The following ARHGEF33 variants were observed in gnomAD, a reference collection of about 807,000 sequenced individuals.
ARHGEF33 encodes the protein Rho guanine nucleotide exchange factor 33, also known as DH and coiled-coil domain-containing protein ENSP00000381780.
ARHGEF33 carries 72 observed loss-of-function variants against 101.9 expected under a neutral mutation model. That is an observed-to-expected ratio of 0.71 (90% CI 0.58 to 0.86). The LOEUF is 0.86. Among genes scored for constraint, ARHGEF33 ranks in the 40% least tolerant of loss-of-function variants. The pLI is 0.00. For synonymous variants in ARHGEF33, 499 were observed against 442.5 expected (o/e 1.13, Z -1.60); for missense variants, 1,169 against 1,111.3 (o/e 1.05, Z -0.74).
chr2:38,911,730 G>T (rs183786606), intron 2 of ARHGEF33, among the ~76,000 whole-genome samples: 3 of 152,062 alleles, frequency 2.0e-5, no homozygotes, highest in Non-Finnish European at 2.9e-5. Flanking sequence ...ATCCTTCCCC[G>T]CCAGGCACTG....
At chr2:38,918,256 C>T (rs946133779) in intron 2 of ARHGEF33, among the ~76,000 whole-genome samples, 4 of 152,216 alleles carry the variant, frequency 2.6e-5, no homozygotes, top group Non-Finnish European at 5.9e-5. Flanking sequence ...CCACCACTAC[C>T]CTCGCTGCCA....
At chr2:38,936,538 T>C (rs893668305) in intron 8 of ARHGEF33, among the ~76,000 whole-genome samples, 2 of 152,240 alleles carry the variant, frequency 1.3e-5, no homozygotes, top group Non-Finnish European at 2.9e-5. Flanking sequence ...GCTCCTTATA[T>C]AGTAAAGACT....
chr2:38,939,840 C>T (rs145852930), intron 9 of ARHGEF33, among the ~76,000 whole-genome samples: 17 of 152,300 alleles, frequency 1.1e-4, no homozygotes, highest in African/African-American at 4.1e-4. Flanking sequence ...CTTAAAATAG[C>T]TCGTGACTTT....
At chr2:38,955,548 G>T (rs1440176993) in intron 13 of ARHGEF33, among the ~76,000 whole-genome samples, 2 of 140,738 alleles carry the variant, frequency 1.4e-5, no homozygotes, top group Non-Finnish European at 3.0e-5. Flanking sequence ...GAGTGCAGTG[G>T]TGTGATCTTG....
chr2:38,963,984 A>C (rs1316460284), intron 16 of ARHGEF33, among the ~76,000 whole-genome samples: 2 of 152,210 alleles, frequency 1.3e-5, no homozygotes, highest in Non-Finnish European at 2.9e-5. Context: ...GTTGTAATAT[A>C]TAATGAAATA....
At chr2:38,913,808 G>A (rs1666569313) in intron 2 of ARHGEF33, among the ~76,000 whole-genome samples, 2 of 150,854 alleles carry the variant, frequency 1.3e-5, no homozygotes, top group East Asian at 1.9e-4. Context: ...AATAGCAAAA[G>A]TGACCACATA....
At chr2:38,933,677 T>A (rs1233135199) in intron 7 of ARHGEF33, among the ~76,000 whole-genome samples, 1 of 152,238 alleles carries the variant, frequency 6.6e-6, no homozygotes, top group Non-Finnish European at 1.5e-5. Flanking sequence ...GACCGACCCA[T>A]AGTCTTTTTA....
Position 38,954,978 on chromosome 2 carries a change from C to G in ARHGEF33, c.1221+522C>G, listed in dbSNP as rs1037349427. 6.6e-5 allele frequency among the ~76,000 whole-genome samples: 10 copies of G among 152,262 alleles called. No homozygotes were observed. In the East Asian group the frequency reaches 1.9e-3, roughly 29 times the overall value. ...AATTTTCAGCTCATGATGCTTACCT[C>G]TGAAGTTCTATCTTTACTTACCAGC... On this transcript the variant is annotated intron_variant, in intron 13 of 17. Transcript: ENST00000409978.
intron 1 of ARHGEF33, among the ~76,000 whole-genome samples, chr2:38,890,599 C>T (rs565502986): frequency 1.5e-4 from 23 of 152,252 alleles, no homozygotes; most frequent in African/African-American, 5.1e-4. Context: ...TAAACATTGT[C>T]TTAAGTGAGA....
chr2:38,905,804 G>A (rs1325578382), intron 2 of ARHGEF33, among the ~76,000 whole-genome samples: 1 of 152,138 alleles, frequency 6.6e-6, no homozygotes, highest in African/African-American at 2.4e-5. Flanking sequence ...CTTGTCTTCA[G>A]GTGAAGGAAT....
intron 13 of ARHGEF33, among the ~76,000 whole-genome samples, chr2:38,955,194 A>C (rs1572774181): frequency 6.6e-6 from 1 of 152,334 alleles, no homozygotes; most frequent in Non-Finnish European, 1.5e-5. Flanking sequence ...CCAAGGTTCT[A>C]CCATGCCATG....
At chr2:38,957,853 C>T in intron 14 of ARHGEF33, 181 bp from the exon 15 acceptor site, 1 of 672,818 alleles carries the variant, frequency 1.5e-6, no homozygotes, top group Non-Finnish European at 2.5e-6. Flanking sequence ...ATCAGCTTCC[C>T]TAGTCCTGCC....
chr2:38,916,520 A>G (rs1032089806), intron 2 of ARHGEF33, among the ~76,000 whole-genome samples: 1 of 152,262 alleles, frequency 6.6e-6, no homozygotes, highest in African/African-American at 2.4e-5. Flanking sequence ...TATTTGTATC[A>G]GCAATGAAAA....
At chr2:38,915,792 C>A (rs1188942351) in intron 2 of ARHGEF33, among the ~76,000 whole-genome samples, 1 of 152,042 alleles carries the variant, frequency 6.6e-6, no homozygotes, top group African/African-American at 2.4e-5. Context: ...TTTGAGAGGA[C>A]AAAGTGGAAG....
chr2:38,949,444 C>G (rs539541198), intron 10 of ARHGEF33, among the ~76,000 whole-genome samples: 1 of 152,120 alleles, frequency 6.6e-6, no homozygotes, highest in Non-Finnish European at 1.5e-5. Flanking sequence ...TCACATCACT[C>G]TTACCCAGCT....
At chr2:38,932,748 C>T (rs1326750546) in intron 7 of ARHGEF33, among the ~76,000 whole-genome samples, 1 of 152,194 alleles carries the variant, frequency 6.6e-6, no homozygotes, top group African/African-American at 2.4e-5. Flanking sequence ...TAACAGCCCC[C>T]AGGGACTTAA....
chr2:38,919,425 G>A lies in ARHGEF33; in HGVS notation c.-23G>A. 1 of 1,551,654 alleles carries A rather than the reference G, an allele frequency of 6.4e-7. No individual in the cohort carries two copies. The highest frequency in any genetic ancestry group is 8.7e-7 in the Non-Finnish European group (1 of 1,146,840). ...AGGATGCAATGTTGAAGAATAAGCT[G>A]GAGAAGAGAAGTAACCGGCACTATG... On this transcript the variant is annotated 5_prime_UTR_variant, in exon 3 of 18. Transcript: ENST00000409978.
chr2:38,890,720 C>A (rs1665978165), intron 1 of ARHGEF33, among the ~76,000 whole-genome samples: 1 of 152,242 alleles, frequency 6.6e-6, no homozygotes, highest in African/African-American at 2.4e-5. Flanking sequence ...TTAATAGCCC[C>A]TTTTAATACA....
intron 2 of ARHGEF33, among the ~76,000 whole-genome samples, chr2:38,909,661 A>G (rs1666467028): frequency 6.7e-6 from 1 of 149,008 alleles, no homozygotes; most frequent in African/African-American, 2.5e-5. Flanking sequence ...TTAATTCTTT[A>G]ATTTATTACC....
Sources: allele counts gnomAD v4.1 joint callset (sites outside exome capture counted in the v4.1 genomes callset), GRCh38; gene constraint gnomAD v4.1.1; transcripts MANE v1.5; gene names NCBI Gene and HGNC (gene_info 2026-07-23, HGNC 2026-07-21).